Variants in EDA observed in about 807,000 individuals in gnomAD.
EDA encodes the protein ectodysplasin-A.
In EDA, 2 loss-of-function variants were observed where a neutral mutation model predicts 23.6. The observed-to-expected ratio is 0.08, with a 90% CI of 0.03 to 0.27. The LOEUF is 0.27. Ranked by LOEUF, EDA falls within the 10% of genes least tolerant of loss-of-function variation. The pLI is 1.00. For synonymous variants in EDA, 131 were observed against 132.0 expected, an observed-to-expected ratio of 0.99 and a Z score of 0.05; for missense variants, 229 against 324.2, an observed-to-expected ratio of 0.71 and a Z score of 2.26.
In EDA at chrX:69,910,374, AGTGTGTGTGTGTGTGTGTGTGTGTGT is replaced by A. The variant is rs4007733; in HGVS notation, c.397-46626_397-46601del. Among the ~76,000 whole-genome samples the A allele has an allele frequency of 1.7e-4, 7 of 41,748 alleles. No homozygotes were observed. The Admixed American group carries it at 1.8e-3, about 11-fold the overall frequency. 36.3% of individuals were successfully genotyped at this position (41,748 alleles called of 115,157 possible). ...AGGAGAGAGAGAGAGAGAGAGAGAG[AGTGTGTGTGTGTGTGTGTGTGTGTGT>A]GTGTGTGTGTGTGTGTGTGTGTGTG... On this transcript the variant is annotated intron_variant, in intron 1 of 7. Transcript: ENST00000374552.
At chrX:69,858,265 A>G (rs938846991) in intron 1 of EDA, among the ~76,000 whole-genome samples, 1 of 111,678 alleles carries the variant, frequency 9.0e-6, no homozygotes, top group African/African-American at 3.2e-5. Context: ...TTCTAATACT[A>G]TGATGAATAG....
intron 1 of EDA, among the ~76,000 whole-genome samples, chrX:69,668,578 C>T (rs761032676): frequency 9.0e-6 from 1 of 111,429 alleles, no homozygotes; most frequent in African/African-American, 3.3e-5. Flanking sequence ...TACTGAAGTT[C>T]CCTACTATTT....
chrX:69,946,281 C>A lies in EDA; in HGVS notation c.397-10746C>A, dbSNP rs747239073. 2.7e-5 allele frequency among the ~76,000 whole-genome samples: 3 copies of A among 111,545 alleles called. No homozygotes were observed. The East Asian group carries it at 8.5e-4, about 32-fold the overall frequency. On this transcript the variant is annotated intron_variant, in intron 1 of 7. Coordinates refer to ENST00000374552, the MANE Select transcript of EDA (RefSeq NM_001399.5). ...TTCAATCTGCGTACTTATAGCCTAT[C>A]CTGCCTGACCTTTTCCTCTGAAGTT...
chrX:69,938,738 A>T (rs1158832414), intron 1 of EDA, among the ~76,000 whole-genome samples: 1 of 111,995 alleles, frequency 8.9e-6, no homozygotes, highest in Non-Finnish European at 1.9e-5. Flanking sequence ...GAGGTCCTAG[A>T]TTTAAGTCTT....
At chrX:69,617,583 T>G (rs747800576) in intron 1 of EDA, 1 of 235,619 alleles carries the variant, frequency 4.2e-6, no homozygotes, top group Non-Finnish European at 7.8e-6. Flanking sequence ...GTGTTTGTTT[T>G]CTATTCTATT....
rs1023762586 is a variant in EDA at position 69,910,001 on chromosome X, G to T, written c.397-47026G>T. ...TCATAAATTTTTGATAAAGTAGTAT[G>T]CATTTTCTTCCACACAAGTGTTTGG... On this transcript the variant is annotated intron_variant, in intron 1 of 7. Coordinates refer to ENST00000374552, the MANE Select transcript of EDA (RefSeq NM_001399.5). 4.5e-5 allele frequency among the ~76,000 whole-genome samples: 5 copies of T among 111,388 alleles called. No individual in the cohort carries two copies. In the East Asian group the frequency reaches 1.4e-3, roughly 31 times the overall value.
At chrX:69,887,058 A>T (rs1202983) in intron 1 of EDA, among the ~76,000 whole-genome samples, 17,752 of 111,843 alleles carry the variant, frequency 0.16, 1,283 homozygotes, top group Non-Finnish European at 0.23. Flanking sequence ...CAAAATGATC[A>T]TCTTAAAGAA....
At chrX:69,742,144 G>A (rs1188902476) in intron 1 of EDA, among the ~76,000 whole-genome samples, 1 of 111,761 alleles carries the variant, frequency 8.9e-6, no homozygotes, top group Admixed American at 9.5e-5. Context: ...GGGTATTTGA[G>A]GCCCAGTATT....
At chrX:69,892,675 T>A (rs1473146543) in intron 1 of EDA, among the ~76,000 whole-genome samples, 1 of 112,248 alleles carries the variant, frequency 8.9e-6, no homozygotes, top group Non-Finnish European at 1.9e-5. Context: ...GTTTCCCCTA[T>A]TTTTTAAAGG....
At chrX:69,768,825 C>A (rs1044998035) in intron 1 of EDA, among the ~76,000 whole-genome samples, 1 of 111,464 alleles carries the variant, frequency 9.0e-6, no homozygotes, top group Non-Finnish European at 1.9e-5. Context: ...TCTTTCCTAA[C>A]GTAGGCATTT....
intron 1 of EDA, among the ~76,000 whole-genome samples, chrX:69,735,204 T>A (rs973108514): frequency 1.7e-5 from 1 of 60,457 alleles, no homozygotes; most frequent in Admixed American, 1.6e-4. Flanking sequence ...AACAGAATAT[T>A]TTGTATGTGT....
At chrX:69,920,878 C>T (rs758368605) in intron 1 of EDA, among the ~76,000 whole-genome samples, 27 of 111,905 alleles carry the variant, frequency 2.4e-4, no homozygotes, top group Non-Finnish European at 4.1e-4. Flanking sequence ...TTAGGCTCCA[C>T]CTCCTTGATG....
At chrX:69,737,665 G>GTT (rs2013313446) in intron 1 of EDA, among the ~76,000 whole-genome samples, 1 of 112,276 alleles carries the variant, frequency 8.9e-6, no homozygotes, top group Non-Finnish European at 1.9e-5. Flanking sequence ...CATTTATAGT[G>GTT]TTATTTCTTT....
At chrX:69,969,230 A>G (rs2019215064) in intron 2 of EDA, among the ~76,000 whole-genome samples, 1 of 112,199 alleles carries the variant, frequency 8.9e-6, no homozygotes, top group Non-Finnish European at 1.9e-5. Flanking sequence ...ATTATCTTAC[A>G]TTGTGCCAGA....
intron 1 of EDA, among the ~76,000 whole-genome samples, chrX:69,678,931 C>G (rs1467591142): frequency 1.1e-5 from 1 of 90,171 alleles, no homozygotes; most frequent in Admixed American, 1.3e-4. Context: ...CAGTTTTTGC[C>G]CATTCAGTAT....
chrX:69,879,193 T>C (rs1170626524), intron 1 of EDA, among the ~76,000 whole-genome samples: 1 of 110,805 alleles, frequency 9.0e-6, no homozygotes, highest in Middle Eastern at 4.2e-3. Flanking sequence ...TCGAAGTCTT[T>C]CATATTGCTG....
At chrX:69,747,863 AAGG>A (rs2013672040) in intron 1 of EDA, among the ~76,000 whole-genome samples, 1 of 111,828 alleles carries the variant, frequency 8.9e-6, no homozygotes, top group Non-Finnish European at 1.9e-5. Flanking sequence ...CGATTTGGAA[AAGG>A]AGAAGTCTGC....
chrX:69,659,879 T>TAG (rs1478863640), intron 1 of EDA, among the ~76,000 whole-genome samples: 1 of 111,186 alleles, frequency 9.0e-6, no homozygotes, highest in African/African-American at 3.3e-5. Flanking sequence ...TGTCATTGAA[T>TAG]AGGACTGTGG....
At chrX:69,973,784 G>GTA (rs2019278829) in intron 2 of EDA, among the ~76,000 whole-genome samples, 1 of 111,555 alleles carries the variant, frequency 9.0e-6, no homozygotes, top group Non-Finnish European at 1.9e-5. Flanking sequence ...CCAATGAACT[G>GTA]TAGCAACAGT....
Sources: allele counts gnomAD v4.1 joint callset (sites outside exome capture counted in the v4.1 genomes callset), GRCh38; gene constraint gnomAD v4.1.1; transcripts MANE v1.5; gene names NCBI Gene and HGNC (gene_info 2026-07-23, HGNC 2026-07-21).